The following ZFYVE9 variants were observed in gnomAD, a reference collection of about 807,000 sequenced individuals.
ZFYVE9 encodes the protein zinc finger FYVE-type containing 9.
Under a neutral mutation model 126.7 loss-of-function variants are expected in ZFYVE9, and 43 were observed. The observed-to-expected ratio is 0.34, with a 90% CI of 0.27 to 0.44. The LOEUF (loss-of-function observed/expected upper bound fraction) is 0.44. Ranked by LOEUF, ZFYVE9 falls within the 20% of genes least tolerant of loss-of-function variation. The pLI is 1.00. For synonymous variants in ZFYVE9, 521 were observed against 597.4 expected, an observed-to-expected ratio of 0.87 and a Z score of 1.87; for missense variants, 1,476 against 1,697.0, an observed-to-expected ratio of 0.87 and a Z score of 2.29.
chr1:52,272,003 C>T lies in ZFYVE9; in HGVS notation c.2626-2461C>T, dbSNP rs145454386. Among the ~76,000 whole-genome samples, 172 of 152,130 alleles carry T rather than the reference C, an allele frequency of 1.1e-3. 1 individual carries two copies. Among genetic ancestry groups the T allele is most frequent in the African/African-American group, 4.1e-3 (172 of 41,504 alleles). On this transcript the variant is annotated intron_variant, in intron 7 of 18. Coordinates refer to ENST00000287727, the MANE Select transcript of ZFYVE9 (RefSeq NM_004799.4). ...TACAGGCGCCCACCACCACACCTGGCAAATTTTGTATTTTTAGTAAGAGAC... is the reference window on the plus strand; with the variant it reads ...TACAGGCGCCCACCACCACACCTGGTAAATTTTGTATTTTTAGTAAGAGAC...
intron 5 of ZFYVE9, 44 bp downstream of exon 5, chr1:52,263,916 C>G: frequency 1.5e-6 from 2 of 1,346,010 alleles, no homozygotes; most frequent in South Asian, 1.4e-5. Context: ...TGAGACAAAA[C>G]AAGGGAATTA....
chr1:52,319,096 CAAAG>C (rs552254384), intron 13 of ZFYVE9, among the ~76,000 whole-genome samples: 3 of 151,776 alleles, frequency 2.0e-5, no homozygotes, highest in South Asian at 2.1e-4. Flanking sequence ...GACCCTGTCT[CAAAG>C]AAAAAACCAC....
chr1:52,160,405 AC>A, intron 1 of ZFYVE9: 5 of 1,095,162 alleles, frequency 4.6e-6, no homozygotes, highest in Non-Finnish European at 5.7e-6. Context: ...ACTTTGGGAC[AC>A]TTTCTACATT....
chr1:52,215,896 G>GA (rs991103724), intron 1 of ZFYVE9, among the ~76,000 whole-genome samples: 6 of 151,662 alleles, frequency 4.0e-5, no homozygotes, highest in East Asian at 1.9e-4. Context: ...TCCATTTGGA[G>GA]AAAAAAAACA....
chr1:52,219,997 C>T (rs1001919369), intron 2 of ZFYVE9, among the ~76,000 whole-genome samples: 16 of 151,912 alleles, frequency 1.1e-4, no homozygotes, highest in African/African-American at 2.9e-4. Flanking sequence ...AGGCTGGTCT[C>T]GAACTCCTGA....
chr1:52,337,648 A>C, intron 15 of ZFYVE9, 124 bp from the exon 16 acceptor site: 1 of 1,094,836 alleles, frequency 9.1e-7, no homozygotes, highest in East Asian at 2.5e-5. Flanking sequence ...CTCAAAGAGC[A>C]AAACCTCTGT....
intron 4 of ZFYVE9, among the ~76,000 whole-genome samples, chr1:52,255,823 C>G (rs1645501739): frequency 6.6e-6 from 1 of 151,864 alleles, no homozygotes; most frequent in Non-Finnish European, 1.5e-5. Context: ...TCACTGCACT[C>G]TAGTCTGGGT....
chr1:52,234,330 G>C (rs933584837), intron 3 of ZFYVE9, among the ~76,000 whole-genome samples: 2 of 152,156 alleles, frequency 1.3e-5, no homozygotes. Context: ...AGGCCTGGTG[G>C]CACACCTGTG....
At chr1:52,340,388 G>A (rs1336366647) in intron 17 of ZFYVE9, among the ~76,000 whole-genome samples, 157 bp downstream of exon 17, 1 of 152,192 alleles carries the variant, frequency 6.6e-6, no homozygotes, top group East Asian at 1.9e-4. Flanking sequence ...AAATCACCAG[G>A]AAGAAATGCT....
At chr1:52,278,719 CTT>C in intron 9 of ZFYVE9, 105 bp downstream of exon 9, 14 of 531,268 alleles carry the variant, frequency 2.6e-5, no homozygotes, top group South Asian at 3.5e-5. Flanking sequence ...AGAGCCACAT[CTT>C]TTTTTTTTTC....
chr1:52,189,648 CAGGTGTGAGCCACCGCACTTGGCCTT>C, intron 1 of ZFYVE9, among the ~76,000 whole-genome samples: 1 of 150,874 alleles, frequency 6.6e-6, no homozygotes, highest in Non-Finnish European at 1.5e-5. Flanking sequence ...GCTGGGATTA[CAGGTGTGAGCCACCGCACTTGGCCTT>C]AGGTTGTTTT....
intron 2 of ZFYVE9, among the ~76,000 whole-genome samples, chr1:52,221,547 A>G (rs1467572752): frequency 2.6e-5 from 4 of 152,196 alleles, no homozygotes; most frequent in Admixed American, 1.3e-4. Context: ...GATGAGGGGT[A>G]CTTATGATGA....
At chr1:52,192,409 G>A (rs1337700459) in intron 1 of ZFYVE9, among the ~76,000 whole-genome samples, 2 of 152,200 alleles carry the variant, frequency 1.3e-5, no homozygotes, top group African/African-American at 2.4e-5. Context: ...GTATTTAGGA[G>A]ACAAGAGTAG....
intron 13 of ZFYVE9, among the ~76,000 whole-genome samples, chr1:52,306,302 C>T (rs182335528): frequency 9.5e-4 from 144 of 152,286 alleles, no homozygotes; most frequent in African/African-American, 3.4e-3. Context: ...AGGGTCTCCT[C>T]TCTGCTGAGA....
At chr1:52,294,522 T>A (rs1645955299) in intron 11 of ZFYVE9, among the ~76,000 whole-genome samples, 1 of 152,250 alleles carries the variant, frequency 6.6e-6, no homozygotes, top group South Asian at 2.1e-4. Flanking sequence ...ATCCTGGGAA[T>A]TCTGAAATAG....
chr1:52,318,168 CT>C (rs1257984242), intron 13 of ZFYVE9, among the ~76,000 whole-genome samples: 6 of 152,114 alleles, frequency 3.9e-5, no homozygotes, highest in African/African-American at 1.4e-4. Flanking sequence ...TAAATCCACT[CT>C]AACAATACAT....
At chr1:52,242,982 A>G (rs1162165203) in intron 4 of ZFYVE9, among the ~76,000 whole-genome samples, 1 of 152,226 alleles carries the variant, frequency 6.6e-6, no homozygotes, top group Non-Finnish European at 1.5e-5. Context: ...CTTATCATGC[A>G]GTATTGTCTT....
intron 8 of ZFYVE9, among the ~76,000 whole-genome samples, chr1:52,275,698 G>A (rs1018291631): frequency 6.6e-6 from 1 of 151,956 alleles, no homozygotes; most frequent in African/African-American, 2.4e-5. Context: ...ATTTTTAGAA[G>A]GTGGCTTATT....
At chr1:52,313,343 G>A (rs1646155184) in intron 13 of ZFYVE9, among the ~76,000 whole-genome samples, 1 of 152,146 alleles carries the variant, frequency 6.6e-6, no homozygotes, top group African/African-American at 2.4e-5. Flanking sequence ...CTATCTTACT[G>A]CCTGTAGTTT....
Sources: allele counts gnomAD v4.1 joint callset (sites outside exome capture counted in the v4.1 genomes callset), GRCh38; gene constraint gnomAD v4.1.1; transcripts MANE v1.5; gene names NCBI Gene and HGNC (gene_info 2026-07-23, HGNC 2026-07-21).